NRXN3: variants seen among roughly 807,000 people sequenced by gnomAD.
NRXN3 encodes the protein neurexin III.
A neutral mutation model predicts 137.6 loss-of-function variants in NRXN3; 32 were observed. The ratio of observed to expected loss-of-function variants is 0.23; its 90% CI spans 0.18 to 0.31. The LOEUF is 0.31. Ranked by LOEUF, NRXN3 falls within the 10% of genes least tolerant of loss-of-function variation. The pLI is 1.00. For missense variants in NRXN3, 1,574 were observed against 2,062.5 expected, an observed-to-expected ratio of 0.76 and a Z score of 4.59; for synonymous variants, 798 against 784.5, an observed-to-expected ratio of 1.02 and a Z score of -0.29.
chr14:78,713,264 G>C (rs1412272945), intron 7 of NRXN3, among the ~76,000 whole-genome samples: 3 of 152,108 alleles, frequency 2.0e-5, no homozygotes, highest in Non-Finnish European at 4.4e-5. Context: ...TCCTGGGTCT[G>C]CTTAGCTCTC....
intron 3 of NRXN3, among the ~76,000 whole-genome samples, chr14:78,287,622 C>G (rs989821295): frequency 6.6e-6 from 1 of 152,230 alleles, no homozygotes; most frequent in African/African-American, 2.4e-5. Flanking sequence ...CTTTTCCATT[C>G]CATTCCAACA....
intron 15 of NRXN3, among the ~76,000 whole-genome samples, chr14:79,264,293 T>G (rs1041968839): frequency 2.0e-5 from 3 of 152,152 alleles, no homozygotes; most frequent in Non-Finnish European, 4.4e-5. Context: ...TTCACCATGT[T>G]GGCCAAGCTG....
chr14:79,001,196 G>A (rs1023519923), intron 15 of NRXN3, among the ~76,000 whole-genome samples: 1 of 152,156 alleles, frequency 6.6e-6, no homozygotes, highest in African/African-American at 2.4e-5. Flanking sequence ...AGCCATGATA[G>A]TGAAGAAGAC....
intron 10 of NRXN3, among the ~76,000 whole-genome samples, chr14:78,864,962 G>C (rs965141889): frequency 6.6e-6 from 1 of 152,188 alleles, no homozygotes; most frequent in African/African-American, 2.4e-5. Context: ...TTTATGGTCT[G>C]CTTCAGGGGA....
chr14:78,271,782 C>G (rs372879955), intron 2 of NRXN3, among the ~76,000 whole-genome samples: 40 of 152,288 alleles, frequency 2.6e-4, no homozygotes, highest in African/African-American at 9.4e-4. Context: ...GCAAACAGCA[C>G]CAGGGCTCTG....
chr14:79,464,733 T>C (rs1268074287), intron 15 of NRXN3, among the ~76,000 whole-genome samples: 1 of 152,144 alleles, frequency 6.6e-6, no homozygotes, highest in Non-Finnish European at 1.5e-5. Context: ...TGTAATTACA[T>C]TGGTATGTGG....
chr14:78,966,723 A>T (rs1241263482), intron 12 of NRXN3, among the ~76,000 whole-genome samples: 2 of 152,240 alleles, frequency 1.3e-5, no homozygotes, highest in Admixed American at 6.5e-5. Context: ...CTAATTCTTG[A>T]GTATTACTAA....
At position 78,339,701 on chromosome 14, in the gene NRXN3, C is replaced by T. The variant is rs142562236; in HGVS notation, c.757+41841C>T. On this transcript the variant is annotated intron_variant, in intron 4 of 20. Coordinates refer to ENST00000335750, the MANE Select transcript of NRXN3 (RefSeq NM_001330195.2). Reference sequence around the variant, plus strand: ...CACATGTGGACCCTTAAGATGAGTTCCTTGGATGCTAGGATTCCAGATAGA... The same window carrying T: ...CACATGTGGACCCTTAAGATGAGTTTCTTGGATGCTAGGATTCCAGATAGA... Among the ~76,000 whole-genome samples, 11 of 152,174 alleles carry T rather than the reference C, an allele frequency of 7.2e-5. No homozygotes were observed. The East Asian group carries it at 2.1e-3, about 29-fold the overall frequency.
chr14:79,664,878 A>AGTGAT, intron 17 of NRXN3, among the ~76,000 whole-genome samples: 1 of 152,246 alleles, frequency 6.6e-6, no homozygotes, highest in African/African-American at 2.4e-5. Context: ...GTGGGCATGA[A>AGTGAT]GTGATGTGCT....
At chr14:78,925,210 T>C (rs1247300202) in intron 10 of NRXN3, among the ~76,000 whole-genome samples, 1 of 152,162 alleles carries the variant, frequency 6.6e-6, no homozygotes, top group Non-Finnish European at 1.5e-5. Context: ...TGTCTAGAAA[T>C]CAATTGTTAA....
Position 79,382,770 on chromosome 14 carries a change from G to A in NRXN3, c.3263-84451G>A, listed in dbSNP as rs1194062733. 3.3e-5 allele frequency among the ~76,000 whole-genome samples: 5 copies of A among 152,046 alleles called. No homozygotes were observed. In the East Asian group the frequency reaches 9.6e-4, roughly 29 times the overall value. ...TATTGAATATTTTAAAATCACCTGT[G>A]TTTTACCATCAAAAAAATAAAATAA... On this transcript the variant is annotated intron_variant, in intron 15 of 20. Coordinates refer to ENST00000335750, the MANE Select transcript of NRXN3 (RefSeq NM_001330195.2).
intron 4 of NRXN3, among the ~76,000 whole-genome samples, chr14:78,385,290 AAC>A (rs34246142): frequency 0.039 from 5,764 of 147,342 alleles, 209 homozygotes; most frequent in East Asian, 0.22. Context: ...AACTTTAAGC[AAC>A]ACACACACAC....
rs188963055 is a variant in NRXN3 at position 79,714,808 on chromosome 14, T to C, written c.4014+16871T>C. ...ATTTTTGTAAGGGAGTTTGCCTCCG[T>C]CCTCTGTTGTAAACATTTTCCTTAC... is the stretch of plus-strand genomic sequence containing the variant. On this transcript the variant is annotated intron_variant, in intron 19 of 20. Transcript: ENST00000335750. Among the ~76,000 whole-genome samples, 249 of 152,306 alleles carry C rather than the reference T, an allele frequency of 1.6e-3. 2 individuals carry two copies. The highest frequency in any genetic ancestry group is 3.4e-3 in the Middle Eastern group (1 of 294).
At chr14:79,739,182 G>A (rs1226793286) in intron 19 of NRXN3, among the ~76,000 whole-genome samples, 1 of 152,150 alleles carries the variant, frequency 6.6e-6, no homozygotes, top group East Asian at 1.9e-4. Context: ...TGTTTCAAGG[G>A]TATGTTCTGT....
At chr14:78,249,931 T>C (rs991033663) in intron 2 of NRXN3, among the ~76,000 whole-genome samples, 1 of 152,208 alleles carries the variant, frequency 6.6e-6, no homozygotes, top group African/African-American at 2.4e-5. Context: ...TGTATGGCTC[T>C]GGAGAAGGTT....
chr14:79,100,403 C>T (rs1395036088), intron 15 of NRXN3, among the ~76,000 whole-genome samples: 1 of 152,202 alleles, frequency 6.6e-6, no homozygotes, highest in East Asian at 1.9e-4. Context: ...TTATACTTCT[C>T]TAGCTTTGCA....
intron 15 of NRXN3, among the ~76,000 whole-genome samples, chr14:79,405,816 T>G (rs1360514865): frequency 1.3e-5 from 2 of 152,136 alleles, no homozygotes; most frequent in Non-Finnish European, 2.9e-5. Context: ...TTCTTGTGAT[T>G]CTTATTAGAA....
chr14:79,412,782 CAAAAA>C (rs71103803), intron 15 of NRXN3, among the ~76,000 whole-genome samples: 7 of 59,740 alleles, frequency 1.2e-4, no homozygotes, highest in African/African-American at 3.9e-4. Flanking sequence ...GACTCTGTCT[CAAAAA>C]AAAAAAAAAA....
chr14:79,759,850 G>C (rs773162199), intron 19 of NRXN3, among the ~76,000 whole-genome samples: 1 of 151,660 alleles, frequency 6.6e-6, no homozygotes, highest in Non-Finnish European at 1.5e-5. Flanking sequence ...ATGGAAGTCA[G>C]ATCAAAATAT....
Sources: allele counts gnomAD v4.1 joint callset (sites outside exome capture counted in the v4.1 genomes callset), GRCh38; gene constraint gnomAD v4.1.1; transcripts MANE v1.5; gene names NCBI Gene and HGNC (gene_info 2026-07-23, HGNC 2026-07-21).